Variants in DNAH3 observed in about 807,000 individuals in gnomAD.
DNAH3 encodes the protein axonemal beta dynein heavy chain 3.
DNAH3 carries 332 observed loss-of-function variants against 432.5 expected under a neutral mutation model. The ratio of observed to expected loss-of-function variants is 0.77; its 90% CI spans 0.70 to 0.84. DNAH3 has a LOEUF of 0.84. Among genes scored for constraint, DNAH3 ranks in the 40% least tolerant of loss-of-function variants. DNAH3 has a pLI of 0.00. For synonymous variants in DNAH3, 1,956 were observed against 1,900.2 expected (o/e 1.03, Z -0.76); for missense variants, 4,861 against 5,114.0 (o/e 0.95, Z 1.51).
chr16:20,969,749 G>C (rs1458994641), intron 52 of DNAH3, 43 bp downstream of exon 52: 2 of 1,609,362 alleles, frequency 1.2e-6, no homozygotes, highest in African/African-American at 1.3e-5. Context: ...CCACTGCCAG[G>C]AAAGAGCAGC....
chr16:21,049,462 G>T, intron 31 of DNAH3, 107 bp downstream of exon 31: 1 of 806,206 alleles, frequency 1.2e-6, no homozygotes, highest in Non-Finnish European at 2.0e-6. Flanking sequence ...AGGTTCTTGT[G>T]TCTGCCATAC....
chr16:21,056,999 A>G (rs1257267128), intron 27 of DNAH3, among the ~76,000 whole-genome samples: 2 of 152,274 alleles, frequency 1.3e-5, no homozygotes, highest in Non-Finnish European at 2.9e-5. Context: ...AGCAAAATAT[A>G]GGAAATTAAA....
intron 5 of DNAH3, among the ~76,000 whole-genome samples, chr16:21,137,738 C>T (rs2092663704): frequency 1.3e-5 from 2 of 151,958 alleles, no homozygotes; most frequent in South Asian, 4.2e-4. Context: ...TTCTTCTTAC[C>T]CAAGCAAGGG....
In DNAH3 at chr16:20,982,760, A is replaced by C; in HGVS notation, c.7820T>G (p.Phe2607Cys). Reference sequence around the variant, plus strand: ...GTCATCAAGCTCCACATCCTCTAGAAATTTGTTAGCCACCAACTCTAGGGC... The same window carrying C: ...GTCATCAAGCTCCACATCCTCTAGACATTTGTTAGCCACCAACTCTAGGGC... Residue 2607 changes from phenylalanine to cysteine, a missense_variant, in exon 49 of 62, where the codon TTT becomes TGT. Phe to Cys is a radical substitution (Grantham distance 205). Coordinates refer to ENST00000261383, the Ensembl canonical transcript of DNAH3. 3 of 1,614,118 alleles carry C rather than the reference A, an allele frequency of 1.9e-6. No individual in the cohort carries two copies. The African/African-American group carries it at 4.0e-5, about 22-fold the overall frequency.
At chr16:21,010,916 TG>T (rs2087569274) in intron 41 of DNAH3, among the ~76,000 whole-genome samples, 2 of 151,668 alleles carry the variant, frequency 1.3e-5, no homozygotes, top group Non-Finnish European at 2.9e-5. Flanking sequence ...TTTTTTGTTT[TG>T]TTTTGTTTTT....
chr16:21,062,002 A>G (rs555102011), intron 25 of DNAH3, among the ~76,000 whole-genome samples: 2 of 152,358 alleles, frequency 1.3e-5, no homozygotes, highest in South Asian at 4.1e-4. Flanking sequence ...GGGTGCTGTC[A>G]CTGAGCAGAA....
intron 21 of DNAH3, among the ~76,000 whole-genome samples, chr16:21,071,617 G>C (rs531409805): frequency 2.6e-5 from 4 of 152,064 alleles, no homozygotes; most frequent in Non-Finnish European, 5.9e-5. Flanking sequence ...GCTGGACAAG[G>C]TGGCTCATGC....
At chr16:21,146,533 G>A (rs1032696392) in intron 1 of DNAH3, among the ~76,000 whole-genome samples, 2 of 152,196 alleles carry the variant, frequency 1.3e-5, no homozygotes, top group Non-Finnish European at 2.9e-5. Context: ...GTATTGAAGT[G>A]TATATACATT....
At chr16:20,979,399 C>T in exon 50 of DNAH3, 1 of 1,614,162 alleles carries the variant, frequency 6.2e-7, no homozygotes, top group Non-Finnish European at 8.5e-7. Context: ...CCACCTCTTG[C>T]CTCTTGCTAT....
chr16:21,152,414 G>A (rs1191663481), intron 1 of DNAH3, among the ~76,000 whole-genome samples: 1 of 152,214 alleles, frequency 6.6e-6, no homozygotes, highest in Non-Finnish European at 1.5e-5. Flanking sequence ...GCATTGCATA[G>A]TGAGAGGTGA....
chr16:21,060,400 C>T, intron 25 of DNAH3, 44 bp from the exon 26 acceptor site: 2 of 1,500,670 alleles, frequency 1.3e-6, no homozygotes, highest in Non-Finnish European at 9.3e-7. Context: ...CAACCAAAGC[C>T]CAGAGGGAGG....
At chr16:21,052,288 A>G (rs753412754) in intron 28 of DNAH3, among the ~76,000 whole-genome samples, 47 of 152,170 alleles carry the variant, frequency 3.1e-4, no homozygotes, top group South Asian at 2.1e-4. Flanking sequence ...CACCGTGCCC[A>G]GCCCAAACAA....
At chr16:20,969,853 C>T in exon 52 of DNAH3, 3 of 1,614,170 alleles carry the variant, frequency 1.9e-6, no homozygotes, top group Non-Finnish European at 1.7e-6. Flanking sequence ...AGATGCTCTC[C>T]ATGACCAGTT....
chr16:21,021,970 C>T lies in DNAH3; in HGVS notation c.5776+1G>A. On this transcript the variant is annotated splice_donor_variant, in intron 40 of 61. Coordinates refer to ENST00000261383, the Ensembl canonical transcript of DNAH3. LOFTEE classifies it high-confidence loss of function. ...GCTTAAGAATCATGGCTAGCACTTACCAAGCAGAGAAGAGTACAGTCTCAT... is the reference window on the plus strand; with the variant it reads ...GCTTAAGAATCATGGCTAGCACTTATCAAGCAGAGAAGAGTACAGTCTCAT... The T allele has an allele frequency of 1.2e-6, 2 of 1,613,482 alleles. No individual in the cohort carries two copies. Among genetic ancestry groups the T allele is most frequent in the Middle Eastern group, 1.7e-4 (1 of 6,060 alleles).
chr16:20,996,696 C>T (rs556102829), intron 44 of DNAH3, among the ~76,000 whole-genome samples: 2 of 151,948 alleles, frequency 1.3e-5, no homozygotes, highest in South Asian at 2.1e-4. Flanking sequence ...TGGCCTCAAG[C>T]GATCTACCCG....
chr16:21,067,279 A>T lies in DNAH3; in HGVS notation c.3518+4T>A, dbSNP rs911021764. ...ATTCCAAATAAAAGAACAATGCTGGATACCTGGGGAAGAATAGTCTCTTCT... is the reference window on the plus strand; with the variant it reads ...ATTCCAAATAAAAGAACAATGCTGGTTACCTGGGGAAGAATAGTCTCTTCT... On this transcript the variant is annotated splice_donor_region_variant and intron_variant, in intron 24 of 61. Transcript: ENST00000261383. 6.2e-7 allele frequency: 1 copy of T among 1,613,870 alleles called. No individual in the cohort carries two copies. The highest frequency in any genetic ancestry group is 8.5e-7 in the Non-Finnish European group (1 of 1,179,770).
intron 19 of DNAH3, 99 bp downstream of exon 19, chr16:21,086,750 A>G (rs2091386111): frequency 1.9e-6 from 2 of 1,050,462 alleles, no homozygotes; most frequent in South Asian, 2.8e-5. Flanking sequence ...CCTTTCGGAA[A>G]GGAGAAGCTT....
chr16:20,944,550 C>T (rs1205680115), exon 58 of DNAH3: 3 of 1,614,066 alleles, frequency 1.9e-6, no homozygotes, highest in Non-Finnish European at 2.5e-6. Flanking sequence ...GCAGGACCCC[C>T]TCAAACAGCT....
intron 11 of DNAH3, among the ~76,000 whole-genome samples, chr16:21,119,787 G>A (rs1490544847): frequency 5.9e-5 from 9 of 151,726 alleles, no homozygotes; most frequent in South Asian, 4.2e-4. Context: ...TAGTAGAGAC[G>A]GGGTTTCACC....
Sources: gnomAD v4.1 joint callset for allele counts (sites outside exome capture counted in the v4.1 genomes callset) on GRCh38, gnomAD v4.1.1 for gene constraint, MANE v1.5 for transcripts, NCBI Gene and HGNC (gene_info 2026-07-23, HGNC 2026-07-21) for gene names.